The following ZNF536 variants were observed in gnomAD, a reference collection of about 807,000 sequenced individuals.
The protein encoded by ZNF536 is zinc finger protein 536.
In ZNF536, 13 loss-of-function variants were observed where a neutral mutation model predicts 84.5. That is an observed-to-expected ratio of 0.15 (90% confidence interval 0.10 to 0.24). The LOEUF (loss-of-function observed/expected upper bound fraction) is 0.24. ZNF536 is among the 10% of genes least tolerant of loss of function. The pLI is 1.00. For missense variants in ZNF536, 1,536 were observed against 1,747.5 expected (o/e 0.88, Z 2.16); for synonymous variants, 811 against 742.5 (o/e 1.09, Z -1.50).
At chr19:30,417,349 C>T (rs372568327) in intron 1 of ZNF536, among the ~76,000 whole-genome samples, 2 of 151,826 alleles carry the variant, frequency 1.3e-5, no homozygotes, top group African/African-American at 2.4e-5. Context: ...CCTGGCATGC[C>T]GATGACCTGC....
chr19:30,324,603 G>T (rs2046963498), intron 2 of ZNF536, among the ~76,000 whole-genome samples: 1 of 152,058 alleles, frequency 6.6e-6, no homozygotes, highest in Admixed American at 6.5e-5. Flanking sequence ...CATTAATCAG[G>T]CTGGTCTTGA....
rs2044219465 is a variant in ZNF536, at chr19:30,519,230, G to T, written c.2171-15617G>T. On this transcript the variant is annotated intron_variant, in intron 2 of 4. Coordinates refer to ENST00000355537, the MANE Select transcript of ZNF536 (RefSeq NM_014717.3). ...CTCCCCCAGCCCAGCTCTGGGGTGG[G>T]GCTCCCAAGAGCCACCAGCCTTGCT... is the stretch of plus-strand genomic sequence containing the variant. 2.0e-5 allele frequency among the ~76,000 whole-genome samples: 3 copies of T among 152,326 alleles called. No individual in the cohort carries two copies. In the South Asian group the frequency reaches 6.2e-4, roughly 32 times the overall value.
Position 30,577,694 on chromosome 19 carries a change from T to G in ZNF536, c.169+28180T>G, listed in dbSNP as rs931832679. ...CTGATTAATAATAAAGCTGATCACA[T>G]GTAACCTAATTTTCATTCAGTGCTG... On this transcript the variant is annotated intron_variant, in intron 1 of 1. Transcript: ENST00000592773. Among the ~76,000 whole-genome samples the G allele has an allele frequency of 2.9e-4, 44 of 152,214 alleles. 1 individual carries two copies. The highest frequency in any genetic ancestry group is 1.3e-4 in the Admixed American group (2 of 15,280).
intron 1 of ZNF536, among the ~76,000 whole-genome samples, chr19:30,243,762 A>G (rs1299946958): frequency 6.6e-6 from 1 of 152,248 alleles, no homozygotes; most frequent in Non-Finnish European, 1.5e-5. Context: ...GTCAACAAAT[A>G]GTAGTTTTAA....
chr19:30,637,613 C>G (rs985407762), intron 1 of ZNF536, among the ~76,000 whole-genome samples: 1 of 152,200 alleles, frequency 6.6e-6, no homozygotes, highest in African/African-American at 2.4e-5. Context: ...GAGTTTCCAT[C>G]TAAAGAGTAA....
chr19:30,418,347 C>G (rs751458571), intron 1 of ZNF536, among the ~76,000 whole-genome samples: 11 of 152,090 alleles, frequency 7.2e-5, no homozygotes, highest in Non-Finnish European at 1.5e-4. Context: ...AGGTGAAGTG[C>G]GTTCAGTCAT....
chr19:30,274,794 C>T (rs1289670720), intron 1 of ZNF536, among the ~76,000 whole-genome samples: 1 of 152,176 alleles, frequency 6.6e-6, no homozygotes, highest in African/African-American at 2.4e-5. Flanking sequence ...GCAGCATTAC[C>T]TCTGGTAGCA....
At chr19:30,566,628 T>C (rs944526990) in intron 1 of ZNF536, among the ~76,000 whole-genome samples, 1 of 150,680 alleles carries the variant, frequency 6.6e-6, no homozygotes, top group South Asian at 2.1e-4. Flanking sequence ...GGGAGTGGCC[T>C]CTCCGGGCAG....
At chr19:30,294,142 C>G (rs2145839388) in intron 2 of ZNF536, among the ~76,000 whole-genome samples, 1 of 152,174 alleles carries the variant, frequency 6.6e-6, no homozygotes, top group South Asian at 2.1e-4. Flanking sequence ...ATTGAGGGTC[C>G]CTGTGCTCAG....
chr19:30,567,129 A>G (rs538586974), intron 1 of ZNF536, among the ~76,000 whole-genome samples: 2 of 152,314 alleles, frequency 1.3e-5, no homozygotes, highest in South Asian at 2.1e-4. Flanking sequence ...TTTAATACAC[A>G]TTTGAGATGC....
chr19:30,590,790 C>A (rs1462803217), intron 1 of ZNF536, among the ~76,000 whole-genome samples: 1 of 152,194 alleles, frequency 6.6e-6, no homozygotes, highest in East Asian at 1.9e-4. Context: ...GAGGATGCTT[C>A]CAGTTCTGGT....
intron 2 of ZNF536, among the ~76,000 whole-genome samples, chr19:30,292,490 C>T (rs1343570195): frequency 6.6e-6 from 1 of 152,102 alleles, no homozygotes; most frequent in Non-Finnish European, 1.5e-5. Flanking sequence ...TGCACCATCA[C>T]ACTACTTTGT....
At chr19:30,263,821 T>A (rs532211769) in intron 1 of ZNF536, among the ~76,000 whole-genome samples, 8 of 152,056 alleles carry the variant, frequency 5.3e-5, no homozygotes, top group African/African-American at 1.7e-4. Context: ...TCCTGATGCA[T>A]CTCTCTAGAA....
intron 2 of ZNF536, among the ~76,000 whole-genome samples, chr19:30,502,442 G>T (rs1216330928): frequency 1.3e-5 from 2 of 152,102 alleles, no homozygotes; most frequent in Non-Finnish European, 2.9e-5. Flanking sequence ...CCCTGGAAAT[G>T]GTGAGTGATC....
At chr19:30,374,690 G>GT (rs11368673) in intron 1 of ZNF536, among the ~76,000 whole-genome samples, 147,480 of 150,384 alleles carry the variant, frequency 0.98, 72,436 homozygotes, top group Non-Finnish European at 0.99. Context: ...ACTGAGTGTT[G>GT]TTTTTTTTTC....
At chr19:30,366,253 T>C (rs1466684713) in intron 3 of ZNF536, among the ~76,000 whole-genome samples, 1 of 152,176 alleles carries the variant, frequency 6.6e-6, no homozygotes, top group East Asian at 1.9e-4. Flanking sequence ...CCCTTCTAAA[T>C]TGCAAGACTC....
chr19:30,545,882 A>G (rs1163942355), intron 3 of ZNF536, among the ~76,000 whole-genome samples: 1 of 152,212 alleles, frequency 6.6e-6, no homozygotes, highest in East Asian at 1.9e-4. Flanking sequence ...TGCCTGCCAG[A>G]TGCACATAAT....
At chr19:30,339,580 C>G (rs758101507) in intron 2 of ZNF536, among the ~76,000 whole-genome samples, 2 of 152,198 alleles carry the variant, frequency 1.3e-5, no homozygotes, top group East Asian at 3.9e-4. Context: ...GCTGTGCCAG[C>G]CTTCCAGGGA....
intron 1 of ZNF536, among the ~76,000 whole-genome samples, chr19:30,706,818 C>T (rs889705681): frequency 6.6e-6 from 1 of 152,196 alleles, no homozygotes; most frequent in African/African-American, 2.4e-5. Context: ...GTAATTAGGA[C>T]AGTGGCCAGC....
Sources: allele counts gnomAD v4.1 joint callset (sites outside exome capture counted in the v4.1 genomes callset), GRCh38; gene constraint gnomAD v4.1.1; transcripts MANE v1.5; gene names NCBI Gene and HGNC (gene_info 2026-07-23, HGNC 2026-07-21).